Variants in ACTR3B observed in about 807,000 individuals in gnomAD.
ACTR3B encodes actin-related protein 3B.
In ACTR3B, 8 loss-of-function variants were observed where a neutral mutation model predicts 59.0. The observed-to-expected ratio is 0.14, with a 90% CI of 0.08 to 0.24. The LOEUF (loss-of-function observed/expected upper bound fraction) is 0.24. Among genes scored for constraint, ACTR3B ranks in the 10% least tolerant of loss-of-function variants. The pLI is 1.00. For missense variants in ACTR3B, 245 were observed against 552.3 expected, an observed-to-expected ratio of 0.44 and a Z score of 5.58; for synonymous variants, 148 against 197.9, an observed-to-expected ratio of 0.75 and a Z score of 2.12.
intron 7 of ACTR3B, among the ~76,000 whole-genome samples, chr7:152,821,858 TG>T (rs1426982300): frequency 6.6e-6 from 1 of 152,228 alleles, no homozygotes; most frequent in Non-Finnish European, 1.5e-5. Flanking sequence ...CTTACTGCCA[TG>T]GCCTTCTGTG....
chr7:152,759,848 G>C lies in ACTR3B; in HGVS notation c.-35G>C, dbSNP rs921502409. ...GCGGACGGCGACGGGGCGCTCTCGG[G>C]CTGCCGGCGGGGCCGAGCGCCGCGC... On this transcript the variant is annotated 5_prime_UTR_variant, in exon 1 of 12. Transcript: ENST00000256001. The C allele has an allele frequency of 8.0e-7, 1 of 1,246,840 alleles. No individual in the cohort carries two copies. The highest frequency in any genetic ancestry group is 1.0e-6 in the Non-Finnish European group (1 of 992,506). The allele number at this position is 1,246,840 out of a possible 1,614,324, so 77.2% of individuals were successfully genotyped here. A position where few individuals can be genotyped will look rare whatever the true frequency, so the allele number is the denominator to read the frequency against.
At position 152,820,342 on chromosome 7, in the gene ACTR3B, T is replaced by C; in HGVS notation, c.584T>C (p.Ile195Thr). The part of the protein sequence containing the change: ...VIGSCIKHIP[I>T]AGRDITYFIQ... ...GGAAGCTGCATCAAACACATCCCGA[T>C]TGCAGGTAGAGATATTACGTATTTC... The change falls in exon 7 of 12, where the codon ATT becomes ACT. Residue 195 changes from isoleucine (I) to threonine (T), a missense_variant. Physicochemically the swap from Ile to Thr is moderately conservative, Grantham distance 89 (BLOSUM62 -1). Transcript: ENST00000256001. 1.2e-6 allele frequency: 2 copies of C among 1,608,600 alleles called. No homozygotes were observed. Among genetic ancestry groups the C allele is most frequent in the Non-Finnish European group, 1.7e-6 (2 of 1,175,298 alleles).
intron 2 of ACTR3B, among the ~76,000 whole-genome samples, chr7:152,799,873 A>G (rs1255882058): frequency 6.6e-6 from 1 of 152,220 alleles, no homozygotes; most frequent in Non-Finnish European, 1.5e-5. Flanking sequence ...AATTGATATG[A>G]TTATTTACTG....
chr7:152,796,860 G>GTTTTTTTTTTTTTTTTTTTTTT (rs779909545), intron 2 of ACTR3B, among the ~76,000 whole-genome samples: 1 of 54,738 alleles, frequency 1.8e-5, no homozygotes, highest in African/African-American at 6.9e-5. Context: ...TAGTTTTTGT[G>GTTTTTTTTTTTTTTTTTTTTTT]TTTTTTTTTT....
intron 7 of ACTR3B, among the ~76,000 whole-genome samples, chr7:152,822,926 T>A (rs1796289026): frequency 1.3e-5 from 2 of 152,144 alleles, no homozygotes; most frequent in South Asian, 4.2e-4. Context: ...GTGTAGACAG[T>A]GCCGCACTCG....
In ACTR3B at chr7:152,800,585, T is replaced by C. The variant is rs749133036; in HGVS notation, c.155T>C (p.Leu52Ser). 8 of 1,613,980 alleles carry C rather than the reference T, an allele frequency of 5.0e-6. No homozygotes were observed. Among genetic ancestry groups the C allele is most frequent in the Non-Finnish European group, 6.8e-6 (8 of 1,179,988 alleles). ...KVVDQAQRRV[L>S]RGVDDLDFFI... Reference sequence around the variant, plus strand: ...GTTGACCAAGCTCAAAGGAGAGTGTTGAGGGGAGTTGATGACCTTGACTTT... The same window carrying C: ...GTTGACCAAGCTCAAAGGAGAGTGTCGAGGGGAGTTGATGACCTTGACTTT... Residue 52 changes from leucine (L) to serine (S), a missense_variant, in exon 3 of 12, where the codon TTG (leucine) becomes TCG (serine). Around this residue, in one of 7 missense-constraint regions of ACTR3B, gnomAD observed 14 missense variants for 16.2 expected, o/e 0.86. Coordinates refer to ENST00000256001, the MANE Select transcript of ACTR3B (RefSeq NM_020445.6).
At chr7:152,780,184 C>G (rs2098147339) in intron 1 of ACTR3B, among the ~76,000 whole-genome samples, 1 of 152,010 alleles carries the variant, frequency 6.6e-6, no homozygotes, top group Non-Finnish European at 1.5e-5. Context: ...AACCCCATCT[C>G]TACTACAAAT....
intron 9 of ACTR3B, among the ~76,000 whole-genome samples, chr7:152,841,620 C>G (rs961430140): frequency 3.9e-5 from 6 of 152,164 alleles, no homozygotes; most frequent in African/African-American, 1.4e-4. Flanking sequence ...TCCTGTTGTC[C>G]ATAGCAACTA....
intron 1 of ACTR3B, among the ~76,000 whole-genome samples, chr7:152,774,342 G>T (rs544024393): frequency 1.3e-5 from 2 of 152,242 alleles, no homozygotes; most frequent in South Asian, 4.1e-4. Context: ...CTCCCTGTTG[G>T]CCAGCCTGGT....
intron 7 of ACTR3B, among the ~76,000 whole-genome samples, chr7:152,821,229 T>C (rs774834685): frequency 6.6e-6 from 1 of 152,128 alleles, no homozygotes; most frequent in Non-Finnish European, 1.5e-5. Flanking sequence ...GACTAAAATA[T>C]TTCCTAAGGG....
At chr7:152,766,242 C>T (rs1161137827) in intron 1 of ACTR3B, among the ~76,000 whole-genome samples, 3 of 152,190 alleles carry the variant, frequency 2.0e-5, no homozygotes, top group Non-Finnish European at 4.4e-5. Flanking sequence ...CCAGTGCAGC[C>T]GTGCAGGATG....
Position 152,764,222 on chromosome 7 carries a change from G to T in ACTR3B, c.44+4296G>T, listed in dbSNP as rs530521828. ...GGGTTTTGTCATGTTGGCCAGGCTG[G>T]TCTTGAACTCCTAACCTCAGGTGAT... is the stretch of plus-strand genomic sequence containing the variant. On this transcript the variant is annotated intron_variant, in intron 1 of 11. Transcript: ENST00000256001. 5.9e-5 allele frequency among the ~76,000 whole-genome samples: 9 copies of T among 152,102 alleles called. No homozygotes were observed. In the East Asian group the frequency reaches 9.8e-4, roughly 16 times the overall value.
In ACTR3B at chr7:152,759,785, C is replaced by T. The variant is rs1436677477; in HGVS notation, c.-98C>T. The stretch of plus-strand genomic sequence containing the variant: ...TCCCGGCAGCGGCGCTGCGGCGGCT[C>T]GCGGGAGACGCTGCGCGCGGGGCTA... On this transcript the variant is annotated 5_prime_UTR_variant, in exon 1 of 12. Coordinates refer to ENST00000256001, the MANE Select transcript of ACTR3B (RefSeq NM_020445.6). 4 of 985,700 alleles carry T rather than the reference C, an allele frequency of 4.1e-6. No individual in the cohort carries two copies. The highest frequency in any genetic ancestry group is 5.2e-5 in the East Asian group (1 of 19,054). 61.1% of individuals were successfully genotyped at this position (985,700 alleles called of 1,614,324 possible). A position where few individuals can be genotyped will look rare whatever the true frequency, so the allele number is the denominator to read the frequency against.
chr7:152,789,375 C>T (rs2966509), intron 2 of ACTR3B, among the ~76,000 whole-genome samples: 2,831 of 121,990 alleles, frequency 0.023, 29 homozygotes, highest in Middle Eastern at 0.1. Flanking sequence ...CTGGGTGACA[C>T]AGTGAGACTT....
intron 2 of ACTR3B, among the ~76,000 whole-genome samples, chr7:152,798,331 C>T (rs2116719040): frequency 6.6e-6 from 1 of 152,152 alleles, no homozygotes; most frequent in East Asian, 1.9e-4. Context: ...ATTTGTATGT[C>T]TTCTTTTGAG....
At chr7:152,818,788 GCA>G (rs1025602272) in intron 6 of ACTR3B, among the ~76,000 whole-genome samples, 5 of 152,132 alleles carry the variant, frequency 3.3e-5, no homozygotes, top group Non-Finnish European at 7.4e-5. Flanking sequence ...ACGCATGCGT[GCA>G]CACACACACA....
chr7:152,807,968 G>A (rs1184059008), intron 4 of ACTR3B, among the ~76,000 whole-genome samples: 2 of 152,140 alleles, frequency 1.3e-5, no homozygotes, highest in South Asian at 2.1e-4. Context: ...CATTGCCACC[G>A]TCTGTCTCCA....
chr7:152,760,050 C>A, intron 1 of ACTR3B, 124 bp downstream of exon 1: 1 of 875,208 alleles, frequency 1.1e-6, no homozygotes, highest in Non-Finnish European at 1.5e-6. Context: ...ATCACCTGGG[C>A]AGGTGGGGCG....
At chr7:152,816,265 C>T (rs1563123154) in intron 5 of ACTR3B, among the ~76,000 whole-genome samples, 1 of 152,076 alleles carries the variant, frequency 6.6e-6, no homozygotes, top group Admixed American at 6.6e-5. Context: ...TTATTGAAAA[C>T]TTGACTCCTA....
Sources: allele counts gnomAD v4.1 joint callset (sites outside exome capture counted in the v4.1 genomes callset), GRCh38; gene constraint gnomAD v4.1.1; regional missense constraint gnomAD v4.1.1; transcripts MANE v1.5; gene names NCBI Gene and HGNC (gene_info 2026-07-23, HGNC 2026-07-21).